SLC39A11: variants seen among roughly 807,000 people sequenced by gnomAD.
The protein encoded by SLC39A11 is solute carrier family 39 member 11, also known as zinc transporter ZIP11.
A neutral mutation model predicts 36.1 loss-of-function variants in SLC39A11; 33 were observed. That is an observed-to-expected ratio of 0.91 (90% CI 0.69 to 1.22). The LOEUF (loss-of-function observed/expected upper bound fraction) is 1.22, where lower values mean the gene tolerates loss of function less well. Among genes scored for constraint, SLC39A11 ranks in the 50% most tolerant of loss-of-function variants. SLC39A11 has a pLI of 0.00. For missense variants in SLC39A11, 432 were observed against 430.3 expected, an observed-to-expected ratio of 1.00 and a Z score of -0.03; for synonymous variants, 166 against 170.3, an observed-to-expected ratio of 0.97 and a Z score of 0.20.
At chr17:72,703,976 A>C (rs2072772351) in intron 7 of SLC39A11, among the ~76,000 whole-genome samples, 1 of 152,134 alleles carries the variant, frequency 6.6e-6, no homozygotes, top group Non-Finnish European at 1.5e-5. Flanking sequence ...AAAAATACAA[A>C]AATTAGCCGG....
chr17:72,789,828 G>A (rs561044822), intron 6 of SLC39A11, among the ~76,000 whole-genome samples: 23 of 152,242 alleles, frequency 1.5e-4, no homozygotes, highest in Non-Finnish European at 3.1e-4. Flanking sequence ...CTGTGGGTAC[G>A]TATGGGTGTC....
chr17:72,769,783 T>G (rs1425414919), intron 6 of SLC39A11, among the ~76,000 whole-genome samples: 1 of 152,280 alleles, frequency 6.6e-6, no homozygotes, highest in Admixed American at 6.5e-5. Context: ...GACCTTGTGA[T>G]CTGCCTGCCT....
intron 4 of SLC39A11, among the ~76,000 whole-genome samples, chr17:73,005,913 T>G (rs1386494705): frequency 6.6e-6 from 1 of 152,032 alleles, no homozygotes; most frequent in Non-Finnish European, 1.5e-5. Flanking sequence ...ATCACACCAC[T>G]GCACTCCAGC....
chr17:72,947,196 C>A (rs1477413284), intron 5 of SLC39A11, among the ~76,000 whole-genome samples: 3 of 152,094 alleles, frequency 2.0e-5, no homozygotes, highest in Non-Finnish European at 4.4e-5. Context: ...GACCTGTAGT[C>A]CCAGCTACTT....
At chr17:72,791,993 G>A (rs1439058839) in intron 6 of SLC39A11, among the ~76,000 whole-genome samples, 1 of 152,156 alleles carries the variant, frequency 6.6e-6, no homozygotes, top group South Asian at 2.1e-4. Context: ...CATGTAGTAT[G>A]ATAACTTCTC....
intron 7 of SLC39A11, among the ~76,000 whole-genome samples, chr17:72,662,848 C>G (rs2070536440): frequency 6.6e-6 from 1 of 152,090 alleles, no homozygotes; most frequent in African/African-American, 2.4e-5. Context: ...GAAAGACAGG[C>G]ACACACATCC....
intron 4 of SLC39A11, among the ~76,000 whole-genome samples, chr17:72,949,952 C>CACACACACACAT (rs2085741331): frequency 9.3e-3 from 1 of 108 alleles, no homozygotes; most frequent in Non-Finnish European, 0.029. Flanking sequence ...GCTGCTGTGA[C>CACACACACACAT]ACACACACAC....
intron 3 of SLC39A11, among the ~76,000 whole-genome samples, chr17:73,051,356 A>C (rs572083560): frequency 2.0e-5 from 3 of 152,190 alleles, no homozygotes; most frequent in Non-Finnish European, 2.9e-5. Context: ...AGCCCTAAAA[A>C]GACCTGTGAA....
intron 4 of SLC39A11, among the ~76,000 whole-genome samples, chr17:73,024,028 T>C (rs1307190065): frequency 6.6e-6 from 1 of 152,236 alleles, no homozygotes; most frequent in Non-Finnish European, 1.5e-5. Context: ...TAAATTTCTA[T>C]TGTTTAAGCC....
At chr17:72,905,469 T>C (rs1259485994) in intron 5 of SLC39A11, among the ~76,000 whole-genome samples, 1 of 151,578 alleles carries the variant, frequency 6.6e-6, no homozygotes, top group Non-Finnish European at 1.5e-5. Flanking sequence ...TGGTGGCACA[T>C]GCCTGTAATC....
At chr17:73,068,430 C>A in intron 3 of SLC39A11, 1 of 400,094 alleles carries the variant, frequency 2.5e-6, no homozygotes, top group Non-Finnish European at 4.5e-6. Context: ...GTACAACTAG[C>A]TGTAGGTGTC....
At chr17:72,756,469 C>T (rs1045871528) in intron 6 of SLC39A11, among the ~76,000 whole-genome samples, 5 of 152,234 alleles carry the variant, frequency 3.3e-5, no homozygotes, top group African/African-American at 7.2e-5. Flanking sequence ...GAAGGAAATG[C>T]TGACACATGC....
chr17:72,949,347 G>C (rs761892829), intron 4 of SLC39A11, among the ~76,000 whole-genome samples: 5 of 151,648 alleles, frequency 3.3e-5, no homozygotes, highest in Non-Finnish European at 7.4e-5. Context: ...TTTTAGTGGA[G>C]ATAGGGTTTC....
chr17:72,981,655 G>A (rs563549919), intron 4 of SLC39A11, among the ~76,000 whole-genome samples: 1 of 148,902 alleles, frequency 6.7e-6, no homozygotes, highest in Non-Finnish European at 1.5e-5. Context: ...AATCCTCTTG[G>A]AATGAGGAAG....
chr17:72,802,459 G>C (rs558282613), intron 6 of SLC39A11, among the ~76,000 whole-genome samples: 1 of 151,578 alleles, frequency 6.6e-6, no homozygotes, highest in Non-Finnish European at 1.5e-5. Context: ...GCACGGTGGC[G>C]GGCGCCTGTA....
At position 72,751,701 on chromosome 17, in the gene SLC39A11, C is replaced by T. The variant is rs1162931275; in HGVS notation, c.602-14982G>A. Among the ~76,000 whole-genome samples the T allele has an allele frequency of 2.0e-5, 3 of 152,064 alleles. No homozygotes were observed. In the East Asian group the frequency reaches 5.8e-4, roughly 29 times the overall value. ...CAAGTGATTCTTGTACCTCAGTGAT[C>T]CCAGTAGCTGGGAGTACAGCCATGC... On this transcript the variant is annotated intron_variant, in intron 6 of 9. Coordinates refer to ENST00000255559, the MANE Select transcript of SLC39A11 (RefSeq NM_139177.4).
At chr17:72,905,172 CAAAAAAAAAAAAA>C (rs58702930) in intron 5 of SLC39A11, among the ~76,000 whole-genome samples, 3 of 42,900 alleles carry the variant, frequency 7.0e-5, no homozygotes, top group East Asian at 2.2e-3. Flanking sequence ...GACTCCATCT[CAAAAAAAAAAAAA>C]AAAAAAAAAA....
At chr17:73,013,890 C>G (rs1312996913) in intron 4 of SLC39A11, among the ~76,000 whole-genome samples, 1 of 152,118 alleles carries the variant, frequency 6.6e-6, no homozygotes, top group Admixed American at 6.5e-5. Flanking sequence ...TCACCAATGA[C>G]TCCTAAATCA....
intron 6 of SLC39A11, among the ~76,000 whole-genome samples, chr17:72,805,647 C>T (rs1387649775): frequency 6.6e-6 from 1 of 152,200 alleles, no homozygotes; most frequent in African/African-American, 2.4e-5. Flanking sequence ...CTTACCTGAT[C>T]AATTCTTGTC....
Sources: allele counts gnomAD v4.1 joint callset (sites outside exome capture counted in the v4.1 genomes callset), GRCh38; gene constraint gnomAD v4.1.1; transcripts MANE v1.5; gene names NCBI Gene and HGNC (gene_info 2026-07-23, HGNC 2026-07-21).